E2F6: variants seen among roughly 807,000 people sequenced by gnomAD.
The protein encoded by E2F6 is transcription factor E2F6.
In E2F6, 19 loss-of-function variants were observed where a neutral mutation model predicts 31.5. That is an observed-to-expected ratio of 0.60 (90% CI 0.42 to 0.89). The LOEUF is 0.89. Among genes scored for constraint, E2F6 ranks in the 40% least tolerant of loss-of-function variants. The pLI is 0.00. For missense variants in E2F6, 269 were observed against 341.6 expected, an observed-to-expected ratio of 0.79 and a Z score of 1.67; for synonymous variants, 121 against 127.7, an observed-to-expected ratio of 0.95 and a Z score of 0.36.
chr2:11,465,717 G>T lies in E2F6; in HGVS notation c.108+55C>A. On this transcript the variant is annotated intron_variant, in intron 1 of 6. Transcript: ENST00000381525. ...GCGGGGTTGGCGGCGGCGCGGGGAGGAGGGGGCCGGATTTGGGAGACCACC... is the reference window on the plus strand; with the variant it reads ...GCGGGGTTGGCGGCGGCGCGGGGAGTAGGGGGCCGGATTTGGGAGACCACC... The T allele has an allele frequency of 2.0e-6, 3 of 1,532,872 alleles. No homozygotes were observed. In the South Asian group the frequency reaches 3.6e-5, roughly 18 times the overall value. The allele number at this position is 1,532,872 out of a possible 1,614,324, so 95.0% of individuals were successfully genotyped here.
chr2:11,451,344 CT>C (rs1558453328), intron 4 of E2F6: 34 of 113,750 alleles, frequency 3.0e-4, no homozygotes, highest in Non-Finnish European at 5.8e-4. Context: ...CAACTTTTAC[CT>C]AACTTTTTTT....
Position 11,445,772 on chromosome 2 carries a change from A to C in E2F6, c.*705T>G, listed in dbSNP as rs1396052426. On this transcript the variant is annotated 3_prime_UTR_variant, in exon 7 of 7. Coordinates refer to ENST00000381525, the MANE Select transcript of E2F6 (RefSeq NM_198256.4). ...CCAAGAAGTATCTGACTCCAATTTT[A>C]GCACTGAAAACCATATTAAAATACT... 6.6e-6 allele frequency: 1 copy of C among 152,106 alleles called. No individual in the cohort carries two copies. Among genetic ancestry groups the C allele is most frequent in the Non-Finnish European group, 1.5e-5 (1 of 68,030 alleles). 9.4% of individuals were successfully genotyped at this position (152,106 alleles called of 1,614,324 possible).
At chr2:11,461,846 G>A (rs533024675) in intron 1 of E2F6, among the ~76,000 whole-genome samples, 1 of 152,262 alleles carries the variant, frequency 6.6e-6, no homozygotes, top group African/African-American at 2.4e-5. Context: ...TCATCACTTT[G>A]TCCAAAGACA....
rs977645506 is a variant in E2F6 at position 11,466,108 on chromosome 2, A to G, written c.-229T>C. ...ACGCAGACGGAAAAAGAGGAGGGAG[A>G]CCCGCGGATCTCAAGTCGCCCGGCC... On this transcript the variant is annotated 5_prime_UTR_variant, in exon 1 of 7. Coordinates refer to ENST00000381525, the MANE Select transcript of E2F6 (RefSeq NM_198256.4). 1.9e-5 allele frequency: 9 copies of G among 479,654 alleles called. No individual in the cohort carries two copies. Among genetic ancestry groups the G allele is most frequent in the Non-Finnish European group, 3.3e-5 (9 of 274,230 alleles). 29.7% of individuals were successfully genotyped at this position (479,654 alleles called of 1,614,324 possible).
Position 11,444,854 on chromosome 2 carries a change from T to C in E2F6, c.*1623A>G, listed in dbSNP as rs1261534627. 1 of 152,218 alleles carries C rather than the reference T, an allele frequency of 6.6e-6. No individual in the cohort carries two copies. Among genetic ancestry groups the C allele is most frequent in the East Asian group, 1.9e-4 (1 of 5,204 alleles). The allele number at this position is 152,218 out of a possible 1,614,324, so 9.4% of individuals were successfully genotyped here. ...CCTAGGCTTGCTCCTCCTCCTGTAT[T>C]CCCTATTCTGTCAAACAGTACGACC... On this transcript the variant is annotated 3_prime_UTR_variant, in exon 7 of 7. Coordinates refer to ENST00000381525, the MANE Select transcript of E2F6 (RefSeq NM_198256.4).
chr2:11,450,603 G>C (rs1355301416), intron 4 of E2F6, among the ~76,000 whole-genome samples: 1 of 152,146 alleles, frequency 6.6e-6, no homozygotes, highest in Non-Finnish European at 1.5e-5. Context: ...ACGACTTAGA[G>C]ATTAAGTTTC....
At chr2:11,451,497 T>C (rs973777214) in intron 4 of E2F6, 154 bp downstream of exon 4, 1 of 672,522 alleles carries the variant, frequency 1.5e-6, no homozygotes, top group Non-Finnish European at 2.3e-6. Context: ...ATTACAGCCA[T>C]GTGTGCCACC....
At chr2:11,460,217 A>G (rs944341539) in intron 1 of E2F6, among the ~76,000 whole-genome samples, 1 of 152,210 alleles carries the variant, frequency 6.6e-6, no homozygotes, top group African/African-American at 2.4e-5. Context: ...ACCTTTCTCT[A>G]TACAGATGTT....
chr2:11,465,395 C>G (rs771983657), intron 1 of E2F6, among the ~76,000 whole-genome samples: 3 of 151,818 alleles, frequency 2.0e-5, no homozygotes, highest in African/African-American at 7.3e-5. Context: ...AAATATAAAG[C>G]GTGGACAAGG....
At chr2:11,455,417 G>A in intron 2 of E2F6, 1 of 1,283,086 alleles carries the variant, frequency 7.8e-7, no homozygotes, top group Non-Finnish European at 1.0e-6. Flanking sequence ...GGTTACTTCA[G>A]GAACAAAGGT....
At chr2:11,464,298 A>G (rs1252690445) in intron 1 of E2F6, among the ~76,000 whole-genome samples, 1 of 151,984 alleles carries the variant, frequency 6.6e-6, no homozygotes, top group Non-Finnish European at 1.5e-5. Flanking sequence ...GTGGATCACG[A>G]GGTCAGGAGA....
intron 1 of E2F6, chr2:11,458,329 G>A (rs1277324165): frequency 1.3e-6 from 2 of 1,551,762 alleles, no homozygotes; most frequent in East Asian, 4.9e-5. Flanking sequence ...AGCCCAGCAA[G>A]CCAGATTTGC....
At chr2:11,465,669 G>GCAGACGACC (rs1043218328) in intron 1 of E2F6, 103 bp downstream of exon 1, 2 of 1,211,438 alleles carry the variant, frequency 1.7e-6, no homozygotes, top group East Asian at 5.2e-5. Context: ...CCCAGGGGGA[G>GCAGACGACC]CAGACGACCC....
At chr2:11,457,484 G>A (rs1319419699) in intron 1 of E2F6, among the ~76,000 whole-genome samples, 2 of 152,144 alleles carry the variant, frequency 1.3e-5, no homozygotes, top group East Asian at 1.9e-4. Context: ...TTAGCCGGGC[G>A]TGGTGGCAGG....
chr2:11,459,871 G>A (rs985305988), intron 1 of E2F6, among the ~76,000 whole-genome samples: 8 of 146,642 alleles, frequency 5.5e-5, no homozygotes, highest in Non-Finnish European at 7.6e-5. Context: ...ATGACGGTGC[G>A]AGACTCCGTC....
chr2:11,457,962 A>C (rs1671516016), intron 1 of E2F6, among the ~76,000 whole-genome samples: 1 of 152,262 alleles, frequency 6.6e-6, no homozygotes, highest in Admixed American at 6.5e-5. Context: ...GGAAATTAGT[A>C]GAAGCTCCAT....
At chr2:11,452,577 C>G (rs911973774) in intron 3 of E2F6, among the ~76,000 whole-genome samples, 5 of 151,136 alleles carry the variant, frequency 3.3e-5, no homozygotes, top group Non-Finnish European at 5.9e-5. Context: ...ATACTCCAGC[C>G]TGGGTGACAG....
Position 11,457,226 on chromosome 2 carries a change from T to C in E2F6, c.116A>G (p.Lys39Arg). 1 of 1,545,670 alleles carries C rather than the reference T, an allele frequency of 6.5e-7. No individual in the cohort carries two copies. The highest frequency in any genetic ancestry group is 8.9e-7 in the Non-Finnish European group (1 of 1,121,388). Reference sequence around the variant, plus strand: ...ATTATCTTCTAAATTAATCCTTATTTTTGATGGCTGAAAAAAAAGATAAAA... The same window carrying C: ...ATTATCTTCTAAATTAATCCTTATTCTTGATGGCTGAAAAAAAAGATAAAA... ...PINVEGLLPS[K>R]IRINLEDNVQ... Residue 39 changes from lysine (K) to arginine (R), a missense_variant, in exon 2 of 7, where the codon AAA (lysine) becomes AGA (arginine). By Grantham distance (26) the Lys-to-Arg change is conservative. Transcript: ENST00000381525.
intron 5 of E2F6, among the ~76,000 whole-genome samples, chr2:11,448,124 A>T (rs796555306): frequency 1.2e-4 from 18 of 152,338 alleles, no homozygotes; most frequent in African/African-American, 4.1e-4. Context: ...CAGACCAATG[A>T]ACAGGTCTTG....
Sources: allele counts gnomAD v4.1 joint callset (sites outside exome capture counted in the v4.1 genomes callset), GRCh38; gene constraint gnomAD v4.1.1; transcripts MANE v1.5; gene names NCBI Gene and HGNC (gene_info 2026-07-23, HGNC 2026-07-21).